Variants in CHST10 observed in about 807,000 individuals in gnomAD.
CHST10 encodes HNK-1 sulfotransferase.
Under a neutral mutation model 34.7 loss-of-function variants are expected in CHST10, and 24 were observed. The ratio of observed to expected loss-of-function variants is 0.69; its 90% confidence interval spans 0.50 to 0.97. CHST10 has a LOEUF of 0.97. Among genes scored for constraint, CHST10 ranks in the 50% least tolerant of loss-of-function variants. The pLI is 0.00. For missense variants in CHST10, 402 were observed against 452.1 expected (o/e 0.89, Z 1.00); for synonymous variants, 161 against 169.3 (o/e 0.95, Z 0.38).
At chr2:100,398,659 C>CGCACTACT (rs773774897) in intron 4 of CHST10, among the ~76,000 whole-genome samples, 2 of 152,100 alleles carry the variant, frequency 1.3e-5, no homozygotes, top group African/African-American at 2.4e-5. Flanking sequence ...AGCCTAAGAT[C>CGCACTACT]GCACTACTGC....
chr2:100,396,188 A>G (rs1338877230), intron 5 of CHST10, among the ~76,000 whole-genome samples: 1 of 152,192 alleles, frequency 6.6e-6, no homozygotes, highest in Non-Finnish European at 1.5e-5. Context: ...TGCTGGAAAA[A>G]TCTGACTAAG....
rs759070805 is a variant in CHST10, at chr2:100,406,646, T to C, written c.30A>G (p.Ala10=). The C allele has an allele frequency of 7.4e-6, 12 of 1,613,984 alleles. No individual in the cohort carries two copies. The African/African-American group carries it at 8.0e-5, about 11-fold the overall frequency. The part of the protein sequence containing the change: MHHQWLLLA[A]CFWVIFMFMV... Reference sequence around the variant, plus strand: ...TGAACATGAAAATCACCCAAAAGCATGCGGCCAGCAGAAGCCACTGGTGGT... The same window carrying C: ...TGAACATGAAAATCACCCAAAAGCACGCGGCCAGCAGAAGCCACTGGTGGT... The change falls in exon 3 of 7, where the codon GCA becomes GCG. Residue 10 remains alanine, a synonymous_variant. Coordinates refer to ENST00000264249, the MANE Select transcript of CHST10 (RefSeq NM_004854.5).
intron 1 of CHST10, among the ~76,000 whole-genome samples, chr2:100,415,434 C>T (rs971933057): frequency 1.3e-5 from 2 of 152,164 alleles, no homozygotes; most frequent in South Asian, 2.1e-4. Context: ...GATTCCTATA[C>T]AAGATGATCA....
chr2:100,396,460 T>C (rs1356171714), intron 5 of CHST10, among the ~76,000 whole-genome samples: 1 of 152,232 alleles, frequency 6.6e-6, no homozygotes, highest in Admixed American at 6.5e-5. Flanking sequence ...TCCATCTTTG[T>C]GTTAATCCGG....
Position 100,400,552 on chromosome 2 carries a change from T to C in CHST10, c.192+2012A>G, listed in dbSNP as rs140016195. ...ACCATGCCCAGCTAAAGAAAAAAGA[T>C]TTCTTGTTCAATTGTGTGTAAGAAT... On this transcript the variant is annotated intron_variant, in intron 4 of 6. Coordinates refer to ENST00000264249, the MANE Select transcript of CHST10 (RefSeq NM_004854.5). Among the ~76,000 whole-genome samples, 317 of 152,324 alleles carry C rather than the reference T, an allele frequency of 2.1e-3. 2 individuals carry two copies. The highest frequency in any genetic ancestry group is 0.01 in the Middle Eastern group (3 of 294).
intron 1 of CHST10, among the ~76,000 whole-genome samples, chr2:100,416,012 G>A (rs1274115289): frequency 6.6e-6 from 1 of 152,170 alleles, no homozygotes; most frequent in Non-Finnish European, 1.5e-5. Flanking sequence ...AATTAGAAAA[G>A]GTAGAGTAAA....
In CHST10 at chr2:100,393,299, G is replaced by C; in HGVS notation, c.1017C>G (p.Phe339Leu). 6.2e-7 allele frequency: 1 copy of C among 1,614,138 alleles called. No individual in the cohort carries two copies. Among genetic ancestry groups the C allele is most frequent in the Non-Finnish European group, 8.5e-7 (1 of 1,180,030 alleles). Residue 339 changes from phenylalanine (F) to leucine (L), a missense_variant, in exon 7 of 7, where the codon TTC becomes TTG. Coordinates refer to ENST00000264249, the MANE Select transcript of CHST10 (RefSeq NM_004854.5). ...KRDIRRLYAR[F>L]EGDFKLFGYQ... ...ACCCAAAGAGCTTAAAGTCCCCTTC[G>C]AAACGGGCATACAGGCGTCGGATGT...
intron 4 of CHST10, among the ~76,000 whole-genome samples, 156 bp from the exon 5 acceptor site, chr2:100,398,298 C>T (rs1344955790): frequency 6.6e-6 from 1 of 152,172 alleles, no homozygotes; most frequent in Non-Finnish European, 1.5e-5. Context: ...CCCACTATCC[C>T]CAGCCCCTTC....
chr2:100,407,069 G>A (rs1675609980), intron 2 of CHST10, among the ~76,000 whole-genome samples: 1 of 152,162 alleles, frequency 6.6e-6, no homozygotes, highest in African/African-American at 2.4e-5. Flanking sequence ...CTGGAAGCAG[G>A]TGGCAGGAAG....
intron 6 of CHST10, among the ~76,000 whole-genome samples, chr2:100,394,149 G>A (rs1301267521): frequency 6.6e-6 from 1 of 152,170 alleles, no homozygotes; most frequent in Non-Finnish European, 1.5e-5. Flanking sequence ...CATAAGGGCA[G>A]GAACTCTGAG....
In CHST10 at chr2:100,393,235, G is replaced by T. The variant is rs544734775; in HGVS notation, c.*10C>A. The T allele has an allele frequency of 6.2e-7, 1 of 1,613,552 alleles. No homozygotes were observed. The highest frequency in any genetic ancestry group is 1.7e-5 in the Admixed American group (1 of 59,948). On this transcript the variant is annotated 3_prime_UTR_variant, in exon 7 of 7. Coordinates refer to ENST00000264249, the MANE Select transcript of CHST10 (RefSeq NM_004854.5). ...CTAATAAAGATATTTGAATTCATAGGTCTTATGCATTAGTTTAGCAAAAAG... is the reference window on the plus strand; with the variant it reads ...CTAATAAAGATATTTGAATTCATAGTTCTTATGCATTAGTTTAGCAAAAAG...
chr2:100,405,991 T>C (rs1675553653), intron 3 of CHST10, among the ~76,000 whole-genome samples: 1 of 152,164 alleles, frequency 6.6e-6, no homozygotes, highest in African/African-American at 2.4e-5. Flanking sequence ...GATAAGCAAA[T>C]GACAAGAGCA....
rs1674859616 is a variant in CHST10 at position 100,392,928 on chromosome 2, G to A, written c.*317C>T. The A allele has an allele frequency of 9.0e-6, 3 of 333,792 alleles. No homozygotes were observed. Among genetic ancestry groups the A allele is most frequent in the South Asian group, 8.0e-5 (2 of 24,878 alleles). 20.7% of individuals were successfully genotyped at this position (333,792 alleles called of 1,614,324 possible). A position where few individuals can be genotyped will look rare whatever the true frequency, so the allele number is the denominator to read the frequency against. ...ACACCTGAAGGAAACGGCTCCTAACGCTGTGTGATGCTTCCTCCCTGCTGG... is the reference window on the plus strand; with the variant it reads ...ACACCTGAAGGAAACGGCTCCTAACACTGTGTGATGCTTCCTCCCTGCTGG... On this transcript the variant is annotated 3_prime_UTR_variant, in exon 7 of 7. Coordinates refer to ENST00000264249, the MANE Select transcript of CHST10 (RefSeq NM_004854.5).
chr2:100,408,937 G>A (rs1675696950), intron 2 of CHST10, among the ~76,000 whole-genome samples: 1 of 152,030 alleles, frequency 6.6e-6, no homozygotes, highest in Non-Finnish European at 1.5e-5. Context: ...GGAACAGGAT[G>A]TACCACGCAG....
At chr2:100,394,671 A>G (rs1240379608) in intron 6 of CHST10, among the ~76,000 whole-genome samples, 2 of 151,320 alleles carry the variant, frequency 1.3e-5, no homozygotes, top group Non-Finnish European at 2.9e-5. Context: ...CTCCTGGGCC[A>G]CCTGAGAGCT....
rs1674875890 is a variant in CHST10, at chr2:100,393,206, AG to A, written c.*38del. On this transcript the variant is annotated 3_prime_UTR_variant, in exon 7 of 7. Transcript: ENST00000264249. ...CTCAGATCTTCACCTGGTTAGCCCC[AG>A]GTCTAATAAAGATATTTGAATTCAT... 3 of 1,594,994 alleles carry A rather than the reference AG, an allele frequency of 1.9e-6. No individual in the cohort carries two copies. The East Asian group carries it at 6.7e-5, about 36-fold the overall frequency.
chr2:100,406,479 G>A, intron 3 of CHST10, 97 bp downstream of exon 3: 1 of 1,409,960 alleles, frequency 7.1e-7, no homozygotes, highest in Non-Finnish European at 9.6e-7. Flanking sequence ...AAAGTCCTTT[G>A]ACTCTGTGAC....
At chr2:100,394,582 C>T (rs1404274622) in intron 6 of CHST10, among the ~76,000 whole-genome samples, 1 of 152,220 alleles carries the variant, frequency 6.6e-6, no homozygotes, top group Non-Finnish European at 1.5e-5. Flanking sequence ...CAGGTGGCTG[C>T]AGACCCAGGA....
intron 6 of CHST10, among the ~76,000 whole-genome samples, 154 bp downstream of exon 6, chr2:100,395,355 G>T (rs1675006183): frequency 6.6e-6 from 1 of 152,154 alleles, no homozygotes; most frequent in Non-Finnish European, 1.5e-5. Flanking sequence ...CGAATGGGGG[G>T]TGTAGCTTAG....
Sources: allele counts gnomAD v4.1 joint callset (sites outside exome capture counted in the v4.1 genomes callset), GRCh38; gene constraint gnomAD v4.1.1; transcripts MANE v1.5; gene names NCBI Gene and HGNC (gene_info 2026-07-23, HGNC 2026-07-21).